The following BICDL1 variants were observed in gnomAD, a reference collection of about 807,000 sequenced individuals.
BICDL1 encodes the protein BICD family-like cargo adapter 1.
A neutral mutation model predicts 76.8 loss-of-function variants in BICDL1; 20 were observed. The observed-to-expected ratio is 0.26, with a 90% CI of 0.18 to 0.38. The LOEUF is 0.38. Among genes scored for constraint, BICDL1 ranks in the 10% least tolerant of loss-of-function variants. The pLI is 1.00. For synonymous variants in BICDL1, 383 were observed against 337.1 expected, an observed-to-expected ratio of 1.14 and a Z score of -1.49; for missense variants, 700 against 798.6, an observed-to-expected ratio of 0.88 and a Z score of 1.49.
At chr12:120,077,145 G>A (rs1873614508) in intron 7 of BICDL1, among the ~76,000 whole-genome samples, 2 of 152,220 alleles carry the variant, frequency 1.3e-5, no homozygotes, top group African/African-American at 2.4e-5. Flanking sequence ...TTTCTCTCTT[G>A]AAAACTAGGC....
At chr12:120,017,938 C>T (rs775347469) in intron 2 of BICDL1, among the ~76,000 whole-genome samples, 1 of 152,156 alleles carries the variant, frequency 6.6e-6, no homozygotes, top group Non-Finnish European at 1.5e-5. Context: ...TGGATACTTG[C>T]AAACACCTGT....
intron 2 of BICDL1, among the ~76,000 whole-genome samples, chr12:120,049,902 G>A (rs1192947835): frequency 6.6e-6 from 1 of 152,170 alleles, no homozygotes; most frequent in Non-Finnish European, 1.5e-5. Flanking sequence ...CTCCAAAGTA[G>A]GTTATGCCAT....
chr12:120,045,621 G>A (rs1012987952), intron 2 of BICDL1, among the ~76,000 whole-genome samples: 32 of 151,778 alleles, frequency 2.1e-4, no homozygotes, highest in Non-Finnish European at 7.4e-5. Flanking sequence ...CCTTTGTAGG[G>A]ACATGGATGA....
rs1183880963 is a variant in BICDL1 at position 120,079,170 on chromosome 12, C to T, written c.1453-1717C>T. Among the ~76,000 whole-genome samples, 1 of 152,250 alleles carries T rather than the reference C, an allele frequency of 6.6e-6. No individual in the cohort carries two copies. Among genetic ancestry groups the T allele is most frequent in the Non-Finnish European group, 1.5e-5 (1 of 68,050 alleles). ...CCCGGCCCTGATGTTTCCTGCTAGA[C>T]TCTGCAGAGTATAAAACCCATTGCT... On this transcript the variant is annotated intron_variant, in intron 7 of 9. Transcript: ENST00000548673. The surrounding 1 kb of genome is among the most constrained non-coding windows in gnomAD (Gnocchi z 4.3).
chr12:120,029,120 C>T (rs1952368926), intron 2 of BICDL1, among the ~76,000 whole-genome samples: 1 of 152,066 alleles, frequency 6.6e-6, no homozygotes, highest in South Asian at 2.1e-4. Context: ...GGGTGCAGGG[C>T]CTTTAGACCC....
At chr12:120,031,314 C>T (rs536339696) in intron 2 of BICDL1, among the ~76,000 whole-genome samples, 4 of 151,666 alleles carry the variant, frequency 2.6e-5, no homozygotes, top group African/African-American at 7.3e-5. Context: ...CGCCATTCTC[C>T]TGCCTCAGCC....
intron 2 of BICDL1, among the ~76,000 whole-genome samples, chr12:120,008,525 G>GCCT (rs879589968): frequency 2.0e-5 from 3 of 152,132 alleles, no homozygotes; most frequent in Non-Finnish European, 4.4e-5. Context: ...CTTGCTCAAG[G>GCCT]CCTTGCAAAG....
At chr12:119,995,584 T>A (rs1951626326) in intron 1 of BICDL1, among the ~76,000 whole-genome samples, 1 of 152,248 alleles carries the variant, frequency 6.6e-6, no homozygotes, top group Non-Finnish European at 1.5e-5. Flanking sequence ...TGCCTTCTGC[T>A]GAATCTTTTT....
rs79256474 is a variant in BICDL1, at chr12:120,026,424, T to C, written c.645+27688T>C. Among the ~76,000 whole-genome samples, 543 of 152,310 alleles carry C rather than the reference T, an allele frequency of 3.6e-3. 7 individuals are homozygous for C. The East Asian group carries it at 0.043, about 12-fold the overall frequency. On this transcript the variant is annotated intron_variant, in intron 2 of 9. Transcript: ENST00000548673. ...TAAGTTTTCTTCCCAACAAAAGTTT[T>C]TAAGTGAAGTTCTAAAAAAAAATAA...
intron 2 of BICDL1, among the ~76,000 whole-genome samples, chr12:120,019,811 C>A (rs1455377868): frequency 6.6e-6 from 1 of 152,142 alleles, no homozygotes; most frequent in East Asian, 1.9e-4. Flanking sequence ...TGGTCAAAGT[C>A]ATGCAATATC....
intron 2 of BICDL1, among the ~76,000 whole-genome samples, chr12:120,043,753 T>C (rs577605163): frequency 4.6e-5 from 7 of 152,366 alleles, no homozygotes; most frequent in Non-Finnish European, 1.0e-4. Flanking sequence ...CAGTCATAGC[T>C]TGACTTTTGC....
chr12:120,093,133 G>A lies in BICDL1; in HGVS notation c.1838G>A (p.Arg613Gln), dbSNP rs780117104. ...GAGCCCAGCATCGCTGAAGGCAAAC[G>A]ACTCTTCTCATTCTTCAGGAAAATT... ...GDEPSIAEGK[R>Q]LFSFFRKI Residue 613 changes from arginine (R) to glutamine (Q), a missense_variant, in exon 10 of 10, where the codon CGA becomes CAA. By Grantham distance (43) the Arg-to-Gln change is conservative. Coordinates refer to ENST00000548673, the MANE Select transcript of BICDL1 (RefSeq NM_001367886.1). 3.7e-6 allele frequency: 6 copies of A among 1,612,108 alleles called. No individual in the cohort carries two copies. The highest frequency in any genetic ancestry group is 3.3e-5 in the South Asian group (3 of 90,862).
intron 7 of BICDL1, chr12:120,080,534 G>A (rs1314881275): frequency 5.1e-6 from 1 of 197,376 alleles, no homozygotes; most frequent in East Asian, 1.1e-4. Context: ...CCTAAAAACT[G>A]TGTGTCATGA....
chr12:120,022,496 A>G (rs867645621), intron 2 of BICDL1, among the ~76,000 whole-genome samples: 4 of 147,816 alleles, frequency 2.7e-5, no homozygotes, highest in Admixed American at 6.8e-5. Flanking sequence ...TTTTGTGTAT[A>G]TATATATATT....
At chr12:120,059,826 C>T (rs1006991240) in intron 2 of BICDL1, among the ~76,000 whole-genome samples, 3 of 152,074 alleles carry the variant, frequency 2.0e-5, no homozygotes, top group Admixed American at 6.6e-5. Flanking sequence ...GATCCTCCCA[C>T]CTCAGCCTCC....
intron 2 of BICDL1, among the ~76,000 whole-genome samples, chr12:120,056,545 C>G (rs1273630899): frequency 6.6e-6 from 1 of 152,072 alleles, no homozygotes; most frequent in Non-Finnish European, 1.5e-5. Flanking sequence ...GTGGTGAAAC[C>G]CTGTCTCTAC....
At chr12:119,992,407 T>C (rs1041458027) in intron 1 of BICDL1, 10 of 152,214 alleles carry the variant, frequency 6.6e-5, no homozygotes, top group African/African-American at 2.4e-4. Flanking sequence ...CTTTGTACTT[T>C]TTTCTTTTTT....
chr12:119,993,896 G>T (rs763165887), intron 1 of BICDL1, among the ~76,000 whole-genome samples: 1 of 152,172 alleles, frequency 6.6e-6, no homozygotes, highest in African/African-American at 2.4e-5. Context: ...GATTATAGGC[G>T]TGAGCCACTG....
At chr12:119,994,992 T>TA (rs2138589484) in intron 1 of BICDL1, among the ~76,000 whole-genome samples, 1 of 152,362 alleles carries the variant, frequency 6.6e-6, no homozygotes, top group African/African-American at 2.4e-5. Flanking sequence ...ATTTATCTAA[T>TA]ACCTTTTTCT....
Sources: allele counts gnomAD v4.1 joint callset (sites outside exome capture counted in the v4.1 genomes callset), GRCh38; gene constraint gnomAD v4.1.1; non-coding constraint Gnocchi (gnomAD v3.1); transcripts MANE v1.5; gene names NCBI Gene and HGNC (gene_info 2026-07-23, HGNC 2026-07-21).